The following DCC variants were observed in gnomAD, a reference collection of about 807,000 sequenced individuals.
The protein encoded by DCC is netrin receptor DCC.
A neutral mutation model predicts 172.5 loss-of-function variants in DCC; 58 were observed. The observed-to-expected ratio is 0.34, with a 90% CI of 0.27 to 0.42. DCC has a LOEUF of 0.42. DCC is among the 10% of genes least tolerant of loss of function. DCC has a pLI of 1.00. For synonymous variants in DCC, 709 were observed against 644.5 expected, an observed-to-expected ratio of 1.10 and a Z score of -1.52; for missense variants, 1,740 against 1,791.0, an observed-to-expected ratio of 0.97 and a Z score of 0.51.
At chr18:53,516,744 T>G (rs2046338364) in intron 27 of DCC, among the ~76,000 whole-genome samples, 1 of 146,580 alleles carries the variant, frequency 6.8e-6, no homozygotes, top group Non-Finnish European at 1.5e-5. Flanking sequence ...AAAACCACAA[T>G]GAGATACCAT....
intron 15 of DCC, among the ~76,000 whole-genome samples, chr18:53,361,489 G>A (rs1331219201): frequency 6.6e-6 from 1 of 152,106 alleles, no homozygotes; most frequent in Non-Finnish European, 1.5e-5. Flanking sequence ...GAAAGCATTA[G>A]AGTGACAGGG....
At chr18:52,598,445 A>G (rs2033951171) in intron 1 of DCC, among the ~76,000 whole-genome samples, 1 of 152,180 alleles carries the variant, frequency 6.6e-6, no homozygotes, top group Non-Finnish European at 1.5e-5. Flanking sequence ...ATAGTCTAAG[A>G]ATTGCATGGA....
intron 1 of DCC, among the ~76,000 whole-genome samples, chr18:52,382,033 G>T (rs181112282): frequency 6.6e-6 from 1 of 152,198 alleles, no homozygotes; most frequent in Non-Finnish European, 1.5e-5. Context: ...TTTGGATGAG[G>T]ATCTAAGACT....
rs141690082 is a variant in DCC, at chr18:53,362,498, C to T, written c.2359+22591C>T. Among the ~76,000 whole-genome samples, 627 of 152,136 alleles carry T rather than the reference C, an allele frequency of 4.1e-3. 5 individuals are homozygous for T. The highest frequency in any genetic ancestry group is 0.014 in the African/African-American group (592 of 41,484). ...CTGTGTCCTGCTTTCCTCCATCTGT[C>T]GAAGGAACATAATGGCCACTCATGG... On this transcript the variant is annotated intron_variant, in intron 15 of 28. Coordinates refer to ENST00000442544, the MANE Select transcript of DCC (RefSeq NM_005215.4).
chr18:53,400,625 A>C (rs1909239607), intron 18 of DCC, among the ~76,000 whole-genome samples: 1 of 152,124 alleles, frequency 6.6e-6, no homozygotes, highest in African/African-American at 2.4e-5. Context: ...AACAGTGTGC[A>C]GTTCACATAA....
chr18:53,440,362 G>C (rs1912196376), intron 22 of DCC, among the ~76,000 whole-genome samples: 1 of 152,168 alleles, frequency 6.6e-6, no homozygotes, highest in Non-Finnish European at 1.5e-5. Context: ...AGTTAAACTT[G>C]ATGAGTTTTA....
chr18:52,815,409 C>CGT (rs1568121515), intron 2 of DCC, among the ~76,000 whole-genome samples: 1 of 44,922 alleles, frequency 2.2e-5, no homozygotes, highest in African/African-American at 7.2e-5. Context: ...CCTTCTCACA[C>CGT]GTACACACAC....
chr18:52,566,407 T>C (rs1265309926), intron 1 of DCC, among the ~76,000 whole-genome samples: 1 of 151,946 alleles, frequency 6.6e-6, no homozygotes, highest in Non-Finnish European at 1.5e-5. Flanking sequence ...TTAGGAGAAA[T>C]ACCTAATGTA....
In DCC at chr18:52,453,431, CT is replaced by C. The variant is rs558319465; in HGVS notation, c.91+112554del. 4.6e-5 allele frequency among the ~76,000 whole-genome samples: 7 copies of C among 152,304 alleles called. No individual in the cohort carries two copies. In the South Asian group the frequency reaches 1.4e-3, roughly 32 times the overall value. On this transcript the variant is annotated intron_variant, in intron 1 of 28. Coordinates refer to ENST00000442544, the MANE Select transcript of DCC (RefSeq NM_005215.4). ...CCCTCAATCATCACGCAGGTTGCCC[CT>C]GTACCATGCGATGGGCACAATTGGA...
chr18:52,966,831 T>C (rs550922598), intron 5 of DCC, among the ~76,000 whole-genome samples: 2 of 152,358 alleles, frequency 1.3e-5, no homozygotes, highest in South Asian at 4.1e-4. Context: ...GTAACCAGTC[T>C]GTTTATTAAG....
intron 14 of DCC, among the ~76,000 whole-genome samples, chr18:53,330,049 T>A (rs916346857): frequency 6.6e-6 from 1 of 152,190 alleles, no homozygotes; most frequent in African/African-American, 2.4e-5. Flanking sequence ...TTGACAGTGG[T>A]TGATTCTGGT....
At chr18:52,835,924 T>C (rs1237661555) in intron 2 of DCC, among the ~76,000 whole-genome samples, 4 of 152,216 alleles carry the variant, frequency 2.6e-5, no homozygotes, top group African/African-American at 9.6e-5. Context: ...ATTCTTATGC[T>C]GCTATGGAAA....
intron 5 of DCC, among the ~76,000 whole-genome samples, chr18:52,938,197 A>G (rs138486273): frequency 6.6e-6 from 1 of 152,128 alleles, no homozygotes; most frequent in African/African-American, 2.4e-5. Context: ...TTTTAGAAAA[A>G]CTCAAGGTGG....
At chr18:53,131,630 C>T (rs1568322878) in intron 7 of DCC, among the ~76,000 whole-genome samples, 2 of 152,080 alleles carry the variant, frequency 1.3e-5, no homozygotes, top group Admixed American at 6.6e-5. Flanking sequence ...GAACCTATGA[C>T]ATGCCCATCA....
At chr18:52,394,001 CACAGTACCCT>C (rs1438329636) in intron 1 of DCC, among the ~76,000 whole-genome samples, 2 of 152,084 alleles carry the variant, frequency 1.3e-5, no homozygotes, top group Non-Finnish European at 2.9e-5. Flanking sequence ...ATTTGTACCA[CACAGTACCCT>C]ACCTACTGGT....
At chr18:53,278,171 A>T (rs186885412) in intron 12 of DCC, among the ~76,000 whole-genome samples, 2 of 152,042 alleles carry the variant, frequency 1.3e-5, no homozygotes, top group Admixed American at 1.3e-4. Flanking sequence ...CACAGTGTAC[A>T]TTAAAAAATC....
At chr18:52,855,632 A>G (rs1015883346) in intron 2 of DCC, among the ~76,000 whole-genome samples, 1 of 152,222 alleles carries the variant, frequency 6.6e-6, no homozygotes, top group African/African-American at 2.4e-5. Context: ...AATAGAAATA[A>G]TCACTTGTAC....
intron 1 of DCC, chr18:52,419,383 T>G (rs1178200292): frequency 6.6e-6 from 1 of 152,170 alleles, no homozygotes; most frequent in African/African-American, 2.4e-5. Flanking sequence ...CTGCCCACTC[T>G]GTGAACATAG....
chr18:52,953,079 G>A (rs549430067), intron 5 of DCC, among the ~76,000 whole-genome samples: 3 of 148,116 alleles, frequency 2.0e-5, no homozygotes, highest in Non-Finnish European at 3.0e-5. Context: ...ATCATTCTAC[G>A]GTATTTTTAT....
Sources: gnomAD v4.1 joint callset for allele counts (sites outside exome capture counted in the v4.1 genomes callset) on GRCh38, gnomAD v4.1.1 for gene constraint, MANE v1.5 for transcripts, NCBI Gene and HGNC (gene_info 2026-07-23, HGNC 2026-07-21) for gene names.